The following FOXN3 variants were observed in gnomAD, a reference collection of about 807,000 sequenced individuals.
FOXN3 encodes the protein forkhead box N3.
Under a neutral mutation model 38.4 loss-of-function variants are expected in FOXN3, and 7 were observed. The observed-to-expected ratio is 0.18, with a 90% CI of 0.10 to 0.34. FOXN3 has a LOEUF of 0.34. Among genes scored for constraint, FOXN3 ranks in the 10% least tolerant of loss-of-function variants. FOXN3 has a pLI of 1.00. For missense variants in FOXN3, 456 were observed against 613.4 expected (o/e 0.74, Z 2.71); for synonymous variants, 230 against 242.2 (o/e 0.95, Z 0.47).
chr14:89,607,650 A>C, intron 1 of FOXN3, among the ~76,000 whole-genome samples: 1 of 152,084 alleles, frequency 6.6e-6, no homozygotes, highest in East Asian at 1.9e-4. Flanking sequence ...GTTCTGATAA[A>C]GCCAAGAGGA....
intron 4 of FOXN3, among the ~76,000 whole-genome samples, chr14:89,194,473 C>T (rs1021823866): frequency 7.9e-5 from 12 of 152,174 alleles, no homozygotes; most frequent in African/African-American, 2.9e-4. Flanking sequence ...GAACACCAAG[C>T]AGCCTAATGA....
At chr14:89,205,369 G>A (rs1219610116) in intron 4 of FOXN3, among the ~76,000 whole-genome samples, 1 of 152,168 alleles carries the variant, frequency 6.6e-6, no homozygotes, top group Non-Finnish European at 1.5e-5. Flanking sequence ...GGTCCCTGGC[G>A]AGGGCTCCAC....
chr14:89,156,612 T>C lies in FOXN3; in HGVS notation c.*5802A>G, dbSNP rs185624273. ...ACCCTAAGCATCAATAGTAAACCTCTTGGTCTTCTGATTGCTTTATCACTT... is the reference window on the plus strand; with the variant it reads ...ACCCTAAGCATCAATAGTAAACCTCCTGGTCTTCTGATTGCTTTATCACTT... On this transcript the variant is annotated 3_prime_UTR_variant, in exon 6 of 6. Coordinates refer to ENST00000557258, the MANE Select transcript of FOXN3 (RefSeq NM_005197.4). 2.6e-3 allele frequency: 394 copies of C among 152,238 alleles called. 1 individual carries two copies. The highest frequency in any genetic ancestry group is 9.0e-3 in the African/African-American group (374 of 41,526). 9.4% of individuals were successfully genotyped at this position (152,238 alleles called of 1,614,324 possible).
chr14:89,423,185 A>C (rs1013524291), intron 1 of FOXN3, among the ~76,000 whole-genome samples: 15 of 152,224 alleles, frequency 9.9e-5, no homozygotes, highest in Non-Finnish European at 1.6e-4. Flanking sequence ...ACACACACAG[A>C]GTCTAATACC....
At chr14:89,288,768 A>G (rs1207925182) in intron 3 of FOXN3, among the ~76,000 whole-genome samples, 1 of 114,366 alleles carries the variant, frequency 8.7e-6, no homozygotes, top group Non-Finnish European at 1.7e-5. Flanking sequence ...ATATATATAT[A>G]TGCTTGCACT....
intron 1 of FOXN3, among the ~76,000 whole-genome samples, chr14:89,429,775 C>T (rs1181109620): frequency 6.6e-6 from 1 of 152,172 alleles, no homozygotes; most frequent in Non-Finnish European, 1.5e-5. Flanking sequence ...CATTTAAAGT[C>T]TGAAAAGGTG....
chr14:89,360,903 T>A (rs1390640421), intron 2 of FOXN3, among the ~76,000 whole-genome samples: 3 of 5,636 alleles, frequency 5.3e-4, no homozygotes, highest in Non-Finnish European at 1.3e-3. Flanking sequence ...CACCACCACC[T>A]CCACCACCAC....
At chr14:89,604,881 T>C (rs1409713967) in intron 1 of FOXN3, among the ~76,000 whole-genome samples, 1 of 152,216 alleles carries the variant, frequency 6.6e-6, no homozygotes, top group Non-Finnish European at 1.5e-5. Flanking sequence ...CAATTGAGCA[T>C]CTTTAATATG....
At chr14:89,431,626 A>AT (rs1241676063) in intron 1 of FOXN3, among the ~76,000 whole-genome samples, 5 of 152,034 alleles carry the variant, frequency 3.3e-5, no homozygotes, top group Admixed American at 2.0e-4. Context: ...GATATGTTTT[A>AT]TTTTTTTAGA....
intron 1 of FOXN3, among the ~76,000 whole-genome samples, chr14:89,557,922 C>T (rs1029215273): frequency 1.3e-5 from 2 of 152,152 alleles, no homozygotes; most frequent in Admixed American, 1.3e-4. Context: ...AGGAGAATCA[C>T]TTGAACCAGG....
chr14:89,463,882 T>C (rs1305463749), intron 1 of FOXN3, among the ~76,000 whole-genome samples: 2 of 151,856 alleles, frequency 1.3e-5, no homozygotes, highest in Admixed American at 1.3e-4. Flanking sequence ...CCTCCCAGGT[T>C]CAAGTGATTC....
At chr14:89,453,878 A>C (rs1892668530) in intron 1 of FOXN3, among the ~76,000 whole-genome samples, 2 of 152,180 alleles carry the variant, frequency 1.3e-5, no homozygotes, top group African/African-American at 4.8e-5. Flanking sequence ...TGTGTCCCCC[A>C]AAATTCAGAT....
At chr14:89,190,450 CTGGAAAAATCA>C (rs1314761281) in intron 4 of FOXN3, 10 of 1,613,296 alleles carry the variant, frequency 6.2e-6, no homozygotes, top group Non-Finnish European at 6.8e-6. Flanking sequence ...ATGTCAGGAT[CTGGAAAAATCA>C]ACCAATAAAT....
intron 4 of FOXN3, among the ~76,000 whole-genome samples, chr14:89,187,978 T>C (rs998968001): frequency 2.0e-5 from 3 of 152,208 alleles, no homozygotes; most frequent in African/African-American, 7.2e-5. Context: ...TCTTCACATT[T>C]ACTTCTCTGT....
intron 1 of FOXN3, among the ~76,000 whole-genome samples, chr14:89,449,240 T>G (rs924180311): frequency 1.3e-5 from 2 of 152,228 alleles, no homozygotes; most frequent in Admixed American, 6.5e-5. Flanking sequence ...TACCTAAGTT[T>G]CTGGTGGCAA....
At chr14:89,584,674 G>A (rs989591633) in intron 1 of FOXN3, among the ~76,000 whole-genome samples, 19 of 151,636 alleles carry the variant, frequency 1.3e-4, no homozygotes, top group Non-Finnish European at 2.8e-4. Flanking sequence ...ATATCTCTTT[G>A]GTAAAGTGTC....
chr14:89,375,888 C>A (rs1326460980), intron 2 of FOXN3, among the ~76,000 whole-genome samples: 1 of 152,154 alleles, frequency 6.6e-6, no homozygotes, highest in Non-Finnish European at 1.5e-5. Context: ...TCAAGCAATT[C>A]TCCTGCCTCA....
In FOXN3 at chr14:89,157,791, A is replaced by T. The variant is rs1463132248; in HGVS notation, c.*4623T>A. The T allele has an allele frequency of 6.6e-6, 1 of 152,670 alleles. No individual in the cohort carries two copies. Among genetic ancestry groups the T allele is most frequent in the Non-Finnish European group, 1.5e-5 (1 of 68,044 alleles). 9.5% of individuals were successfully genotyped at this position (152,670 alleles called of 1,614,324 possible). The stretch of plus-strand genomic sequence containing the variant: ...TATTTAAATTAGATCACAGTGCTGC[A>T]TTATGTGCATAACAGTGTTTGATAT... On this transcript the variant is annotated 3_prime_UTR_variant, in exon 6 of 6. Coordinates refer to ENST00000557258, the MANE Select transcript of FOXN3 (RefSeq NM_005197.4).
intron 4 of FOXN3, among the ~76,000 whole-genome samples, chr14:89,235,877 A>G (rs1884965207): frequency 1.5e-5 from 2 of 135,562 alleles, no homozygotes; most frequent in Admixed American, 6.8e-5. Context: ...CTGATTTTGG[A>G]GTTCTGATCT....
Sources: gnomAD v4.1 joint callset for allele counts (sites outside exome capture counted in the v4.1 genomes callset) on GRCh38, gnomAD v4.1.1 for gene constraint, MANE v1.5 for transcripts, NCBI Gene and HGNC (gene_info 2026-07-23, HGNC 2026-07-21) for gene names.